Variants in DYSF observed in about 807,000 individuals in gnomAD.
DYSF encodes the protein dystrophy-associated fer-1-like 1.
In DYSF, 212 loss-of-function variants were observed where a neutral mutation model predicts 274.9. The ratio of observed to expected loss-of-function variants is 0.77; its 90% CI spans 0.69 to 0.86. The LOEUF (loss-of-function observed/expected upper bound fraction) is 0.86, where lower values mean the gene tolerates loss of function less well. DYSF is among the 40% of genes least tolerant of loss of function. The pLI, the probability that DYSF is intolerant of heterozygous loss-of-function variation, is 0.00. For synonymous variants in DYSF, 1,091 were observed against 1,078.7 expected, an observed-to-expected ratio of 1.01 and a Z score of -0.22; for missense variants, 2,666 against 2,783.2, an observed-to-expected ratio of 0.96 and a Z score of 0.95.
chr2:71,495,005 A>G (rs2084234482), intron 3 of DYSF, among the ~76,000 whole-genome samples: 2 of 152,248 alleles, frequency 1.3e-5, no homozygotes, highest in African/African-American at 4.8e-5. Flanking sequence ...GAATGTGCAG[A>G]GAAGCACAGG....
At chr2:71,587,864 T>G (rs961216560) in intron 30 of DYSF, among the ~76,000 whole-genome samples, 19 of 152,164 alleles carry the variant, frequency 1.2e-4, no homozygotes, top group Non-Finnish European at 2.5e-4. Context: ...CACCCAGGGA[T>G]AGCAGGACCT....
intron 10 of DYSF, 51 bp downstream of exon 10, chr2:71,517,090 G>A: frequency 1.3e-6 from 2 of 1,563,360 alleles, no homozygotes; most frequent in Non-Finnish European, 1.8e-6. Context: ...CTCCGTGTTG[G>A]TGGAGCCTCT....
intron 1 of DYSF, among the ~76,000 whole-genome samples, chr2:71,478,085 A>G (rs1037712405): frequency 1.4e-5 from 2 of 146,432 alleles, no homozygotes; most frequent in East Asian, 3.9e-4. Context: ...TTATGTTAAT[A>G]TTTATTGGGC....
At chr2:71,635,345 C>T (rs571359229) in intron 41 of DYSF, among the ~76,000 whole-genome samples, 17 of 152,244 alleles carry the variant, frequency 1.1e-4, no homozygotes, top group Non-Finnish European at 1.9e-4. Context: ...ATCACCCCCT[C>T]TTTCCCCACA....
intron 1 of DYSF, among the ~76,000 whole-genome samples, chr2:71,456,421 C>T (rs943670362): frequency 3.3e-5 from 5 of 152,098 alleles, no homozygotes; most frequent in South Asian, 2.1e-4. Flanking sequence ...CAGGCCTGCT[C>T]GCTCTCCTTC....
At chr2:71,630,806 G>A (rs935931816) in intron 41 of DYSF, among the ~76,000 whole-genome samples, 1 of 152,200 alleles carries the variant, frequency 6.6e-6, no homozygotes, top group Non-Finnish European at 1.5e-5. Flanking sequence ...TGATGGTGCT[G>A]GTGTGGACAC....
chr2:71,672,485 C>T (rs775558589), intron 51 of DYSF, among the ~76,000 whole-genome samples: 17 of 152,326 alleles, frequency 1.1e-4, no homozygotes, highest in Non-Finnish European at 1.5e-4. Context: ...TTTCATCCGG[C>T]GGCTTTGAAC....
intron 30 of DYSF, among the ~76,000 whole-genome samples, chr2:71,579,008 A>G (rs1468234673): frequency 6.6e-6 from 1 of 152,140 alleles, no homozygotes. Context: ...ACCGGGTTTC[A>G]TAATCTTCCT....
rs150297068 is a variant in DYSF, at chr2:71,470,444, G to A, written c.91+3511G>A. On this transcript the variant is annotated intron_variant, in intron 1 of 55. Coordinates refer to ENST00000410020, the MANE Select transcript of DYSF (RefSeq NM_001130987.2). ...TCCCAGCAATTTGGGAGGCCAAGGC[G>A]GGTGGATCATGAGGTCAGGAGATCG... 8.1e-3 allele frequency among the ~76,000 whole-genome samples: 1,225 copies of A among 152,124 alleles called. 12 individuals carry two copies. The highest frequency in any genetic ancestry group is 0.028 in the African/African-American group (1,167 of 41,498).
intron 17 of DYSF, among the ~76,000 whole-genome samples, chr2:71,542,993 A>T (rs1258729395): frequency 6.8e-6 from 1 of 146,590 alleles, no homozygotes; most frequent in Non-Finnish European, 1.5e-5. Context: ...AGCTGGCCGG[A>T]CGGGGGCTGC....
chr2:71,473,391 A>C (rs1034174510), intron 1 of DYSF, among the ~76,000 whole-genome samples: 1 of 152,208 alleles, frequency 6.6e-6, no homozygotes, highest in Non-Finnish European at 1.5e-5. Flanking sequence ...AACGCCCTGC[A>C]CAAAGTAAGC....
chr2:71,606,692 G>C (rs1280556215), intron 36 of DYSF, among the ~76,000 whole-genome samples: 1 of 152,210 alleles, frequency 6.6e-6, no homozygotes, highest in Non-Finnish European at 1.5e-5. Context: ...CATGTAGACG[G>C]GGTTAAGAGA....
At chr2:71,578,242 G>A (rs2152828992) in intron 30 of DYSF, among the ~76,000 whole-genome samples, 1 of 152,252 alleles carries the variant, frequency 6.6e-6, no homozygotes, top group South Asian at 2.1e-4. Context: ...GAGTAGCACA[G>A]ATGTGAAGTA....
At chr2:71,681,306 G>A (rs1007102468) in intron 54 of DYSF, among the ~76,000 whole-genome samples, 196 bp downstream of exon 54, 3 of 152,256 alleles carry the variant, frequency 2.0e-5, no homozygotes, top group East Asian at 1.9e-4. Flanking sequence ...TGGGCTCAGC[G>A]AATTCAAGAT....
chr2:71,570,817 G>T (rs1559186914), intron 29 of DYSF, 76 bp downstream of exon 29: 3 of 1,590,402 alleles, frequency 1.9e-6, no homozygotes, highest in Non-Finnish European at 2.6e-6. Context: ...AGACCTGCAT[G>T]CCCACAGACA....
At chr2:71,520,104 C>CGT (rs1303351365) in intron 10 of DYSF, 74 bp from the exon 11 acceptor site, 1 of 1,561,468 alleles carries the variant, frequency 6.4e-7, no homozygotes, top group Non-Finnish European at 8.8e-7. Context: ...TTAATGGAAT[C>CGT]ATATAATGCA....
At chr2:71,522,038 C>T (rs1276395751) in intron 12 of DYSF, among the ~76,000 whole-genome samples, 1 of 151,920 alleles carries the variant, frequency 6.6e-6, no homozygotes, top group Non-Finnish European at 1.5e-5. Context: ...ATCCCACCAC[C>T]TCCTTGGCCA....
At chr2:71,637,568 G>T (rs1242280379) in intron 41 of DYSF, among the ~76,000 whole-genome samples, 1 of 152,300 alleles carries the variant, frequency 6.6e-6, no homozygotes, top group East Asian at 1.9e-4. Flanking sequence ...GGTGCCGGGC[G>T]GCACTGGGGC....
rs961453844 is a variant in DYSF at position 71,628,428 on chromosome 2, T to A, written c.4527+7819T>A. The stretch of plus-strand genomic sequence containing the variant: ...TATATTCACATTTACTTTTTTTTTT[T>A]AATATCCGTCATCTTTTTCCTGAAG... On this transcript the variant is annotated intron_variant, in intron 41 of 55. Coordinates refer to ENST00000410020, the MANE Select transcript of DYSF (RefSeq NM_001130987.2). Among the ~76,000 whole-genome samples the A allele has an allele frequency of 6.2e-4, 92 of 147,288 alleles. No homozygotes were observed. The Middle Eastern group carries it at 0.011, about 17-fold the overall frequency.
Sources: allele counts gnomAD v4.1 joint callset (sites outside exome capture counted in the v4.1 genomes callset), GRCh38; gene constraint gnomAD v4.1.1; transcripts MANE v1.5; gene names NCBI Gene and HGNC (gene_info 2026-07-23, HGNC 2026-07-21).